Variants in SCAI observed in about 807,000 individuals in gnomAD.
SCAI encodes the protein suppressor of cancer cell invasion.
A neutral mutation model predicts 92.2 loss-of-function variants in SCAI; 24 were observed. The ratio of observed to expected loss-of-function variants is 0.26; its 90% CI spans 0.19 to 0.37. SCAI has a LOEUF of 0.37. Ranked by LOEUF, SCAI falls within the 10% of genes least tolerant of loss-of-function variation. The pLI, the probability that SCAI is intolerant of heterozygous loss-of-function variation, is 1.00. For missense variants in SCAI, 450 were observed against 736.2 expected, an observed-to-expected ratio of 0.61 and a Z score of 4.50; for synonymous variants, 261 against 258.6, an observed-to-expected ratio of 1.01 and a Z score of -0.09.
intron 2 of SCAI, among the ~76,000 whole-genome samples, chr9:125,096,280 G>A (rs1409425628): frequency 3.3e-5 from 5 of 152,130 alleles, no homozygotes; most frequent in South Asian, 2.1e-4. Context: ...ATCAGATCTC[G>A]TGAGACTTAT....
intron 9 of SCAI, among the ~76,000 whole-genome samples, chr9:125,005,249 TAAAAG>T (rs1397979921): frequency 3.3e-5 from 5 of 152,148 alleles, no homozygotes; most frequent in Non-Finnish European, 7.4e-5. Context: ...TTCTATCAAA[TAAAAG>T]AAGAGGAATT....
At chr9:125,096,876 A>G (rs10760390) in intron 2 of SCAI, among the ~76,000 whole-genome samples, 35,654 of 152,250 alleles carry the variant, frequency 0.23, 4,701 homozygotes, top group Non-Finnish European at 0.3. Flanking sequence ...TTATTCACTT[A>G]AAGTATTGCA....
chr9:125,092,798 T>C (rs934877150), intron 2 of SCAI, among the ~76,000 whole-genome samples: 2 of 152,240 alleles, frequency 1.3e-5, no homozygotes, highest in Non-Finnish European at 2.9e-5. Context: ...CTAGCCTTCA[T>C]GCTGTTTCTC....
In SCAI at chr9:124,950,179, GGTT is replaced by G. The variant is rs928523948; in HGVS notation, c.*2625_*2627del. On this transcript the variant is annotated 3_prime_UTR_variant, in exon 18 of 18. Transcript: ENST00000336505. ...GGTAAATATGACTTACAAAAGAAAA[GGTT>G]GTGTACACTACAAACAGGGTAAATA... 1.3e-5 allele frequency: 2 copies of G among 151,936 alleles called. No homozygotes were observed. The highest frequency in any genetic ancestry group is 4.8e-5 in the African/African-American group (2 of 41,340). The allele number at this position is 151,936 out of a possible 1,614,324, so 9.4% of individuals were successfully genotyped here. A position where few individuals can be genotyped will look rare whatever the true frequency, so the allele number is the denominator to read the frequency against.
intron 2 of SCAI, among the ~76,000 whole-genome samples, chr9:125,106,124 T>A (rs868282782): frequency 0.013 from 695 of 52,004 alleles, 6 homozygotes; most frequent in African/African-American, 0.03. Flanking sequence ...AAAAAAAAAA[T>A]ATATATATAT....
chr9:124,986,763 G>C (rs574443995), intron 14 of SCAI, among the ~76,000 whole-genome samples: 156 of 152,314 alleles, frequency 1.0e-3, no homozygotes, highest in Admixed American at 3.3e-3. Context: ...TTTCAAAGCA[G>C]CAAGAGAGAA....
intron 14 of SCAI, among the ~76,000 whole-genome samples, chr9:124,984,826 T>G (rs1831955961): frequency 6.6e-6 from 1 of 151,910 alleles, no homozygotes; most frequent in African/African-American, 2.4e-5. Context: ...AGCCATAAAA[T>G]CAGCTAAGAA....
At chr9:125,008,522 T>G (rs1029096792) in intron 9 of SCAI, among the ~76,000 whole-genome samples, 1 of 152,066 alleles carries the variant, frequency 6.6e-6, no homozygotes, top group Non-Finnish European at 1.5e-5. Context: ...AAGAATCAAA[T>G]GGAAAAATCC....
At chr9:125,003,929 A>AC (rs1416271971) in intron 9 of SCAI, among the ~76,000 whole-genome samples, 1 of 152,112 alleles carries the variant, frequency 6.6e-6, no homozygotes, top group Non-Finnish European at 1.5e-5. Flanking sequence ...TAATCCCAGC[A>AC]CTTTGGGAGG....
rs1831215971 is a variant in SCAI at position 124,950,418 on chromosome 9, C to T, written c.*2389G>A. Reference sequence around the variant, plus strand: ...AACTTAGGTCTCCTAGTTCTCAGACCAGTGTTCTTTATGCTTAACGGGGGA... The same window carrying T: ...AACTTAGGTCTCCTAGTTCTCAGACTAGTGTTCTTTATGCTTAACGGGGGA... On this transcript the variant is annotated 3_prime_UTR_variant, in exon 18 of 18. Transcript: ENST00000336505. The T allele has an allele frequency of 6.6e-6, 1 of 152,126 alleles. No homozygotes were observed. The highest frequency in any genetic ancestry group is 2.1e-4 in the South Asian group (1 of 4,818). The allele number at this position is 152,126 out of a possible 1,614,324, so 9.4% of individuals were successfully genotyped here.
chr9:124,961,182 C>G (rs1201211220), intron 17 of SCAI, among the ~76,000 whole-genome samples: 2 of 150,832 alleles, frequency 1.3e-5, no homozygotes, highest in Admixed American at 6.6e-5. Flanking sequence ...GCCTATAGTT[C>G]CAGCTATGTT....
chr9:125,021,228 T>C lies in SCAI; in HGVS notation c.513-459A>G, dbSNP rs148877520. On this transcript the variant is annotated intron_variant, in intron 6 of 17. Coordinates refer to ENST00000336505, the MANE Select transcript of SCAI (RefSeq NM_001144877.3). ...AAGTAATAAATGTTTAAGTTAAGAA[T>C]ACAACGAAGCGTGGAAGACTACAGG... is the stretch of plus-strand genomic sequence containing the variant. 1.2e-4 allele frequency among the ~76,000 whole-genome samples: 18 copies of C among 152,292 alleles called. No individual in the cohort carries two copies. The East Asian group carries it at 3.3e-3, about 28-fold the overall frequency.
At chr9:124,972,952 T>G (rs1831688540) in intron 15 of SCAI, among the ~76,000 whole-genome samples, 1 of 152,236 alleles carries the variant, frequency 6.6e-6, no homozygotes, top group Admixed American at 6.5e-5. Context: ...CTCTCCTGTT[T>G]AAATCTTTTG....
chr9:124,971,388 C>T lies in SCAI; in HGVS notation c.1656G>A (p.Arg552=), dbSNP rs954599233. 6.2e-7 allele frequency: 1 copy of T among 1,608,292 alleles called. No homozygotes were observed. Among genetic ancestry groups the T allele is most frequent in the African/African-American group, 1.3e-5 (1 of 74,666 alleles). The change falls in exon 17 of 18, where the codon AGG becomes AGA. Residue 552 remains arginine (R), a synonymous_variant. Transcript: ENST00000336505. ...TRFIFCSATM[R]MHKIFRETRN... is the part of the protein sequence containing the mutation. Reference sequence around the variant, plus strand: ...TGCCTACCCGAAAAATCTTGTGCATCCTCATGGTGGCTGAACAAAAGATAA... The same window carrying T: ...TGCCTACCCGAAAAATCTTGTGCATTCTCATGGTGGCTGAACAAAAGATAA...
At chr9:125,016,185 TAA>T (rs56778033) in intron 9 of SCAI, among the ~76,000 whole-genome samples, 91,685 of 146,474 alleles carry the variant, frequency 0.63, 28,839 homozygotes, top group African/African-American at 0.66. Context: ...TATAATAAAA[TAA>T]AATAAAATAA....
Position 125,118,075 on chromosome 9 carries a change from C to T in SCAI, c.98+24558G>A, listed in dbSNP as rs564840637. 4.6e-5 allele frequency among the ~76,000 whole-genome samples: 7 copies of T among 152,196 alleles called. No homozygotes were observed. In the East Asian group the frequency reaches 9.6e-4, roughly 21 times the overall value. On this transcript the variant is annotated intron_variant, in intron 2 of 17. Transcript: ENST00000336505. ...ACTCCTCCTTCCATTTGGTTTAGTG[C>T]CTGCTACCTGTAATCAACTAATCAC...
intron 2 of SCAI, among the ~76,000 whole-genome samples, chr9:125,138,286 G>A (rs10986580): frequency 0.014 from 1,694 of 122,666 alleles, 89 homozygotes; most frequent in Admixed American, 0.11. Flanking sequence ...ACAGAGTTTC[G>A]CTCTTGTTGC....
intron 3 of SCAI, among the ~76,000 whole-genome samples, chr9:125,032,285 G>A (rs1332819972): frequency 2.1e-5 from 3 of 144,658 alleles, no homozygotes; most frequent in African/African-American, 2.6e-5. Context: ...TCCACCTCCC[G>A]GGTTCAAGTG....
intron 2 of SCAI, among the ~76,000 whole-genome samples, chr9:125,133,553 A>G (rs1321432217): frequency 6.6e-6 from 1 of 152,236 alleles, no homozygotes; most frequent in African/African-American, 2.4e-5. Context: ...AAAGATACTC[A>G]ACATTATCAG....
Sources: gnomAD v4.1 joint callset for allele counts (sites outside exome capture counted in the v4.1 genomes callset) on GRCh38, gnomAD v4.1.1 for gene constraint, MANE v1.5 for transcripts, NCBI Gene and HGNC (gene_info 2026-07-23, HGNC 2026-07-21) for gene names.